SLX4IP: variants seen among roughly 807,000 people sequenced by gnomAD.
SLX4IP encodes the protein protein SLX4IP.
A neutral mutation model predicts 32.9 loss-of-function variants in SLX4IP; 34 were observed. That is an observed-to-expected ratio of 1.03 (90% CI 0.79 to 1.38). The LOEUF is 1.38. Among genes scored for constraint, SLX4IP ranks in the 40% most tolerant of loss-of-function variants. The pLI, the probability that SLX4IP is intolerant of heterozygous loss-of-function variation, is 0.00. For synonymous variants in SLX4IP, 172 were observed against 171.7 expected, an observed-to-expected ratio of 1.00 and a Z score of -0.01; for missense variants, 444 against 479.0, an observed-to-expected ratio of 0.93 and a Z score of 0.68.
At chr20:10,593,327 A>G (rs1032805677) in intron 4 of SLX4IP, among the ~76,000 whole-genome samples, 22 of 152,176 alleles carry the variant, frequency 1.4e-4, no homozygotes, top group African/African-American at 4.8e-4. Flanking sequence ...TTATAGCTTT[A>G]GTTTGAACCT....
chr20:10,482,213 T>C (rs2065528736), intron 2 of SLX4IP, among the ~76,000 whole-genome samples: 1 of 152,226 alleles, frequency 6.6e-6, no homozygotes, highest in Admixed American at 6.5e-5. Flanking sequence ...GATTTTTTCC[T>C]GCTTTTCCTA....
rs550801066 is a variant in SLX4IP at position 10,549,089 on chromosome 20, G to T, written c.28-7142G>T. On this transcript the variant is annotated intron_variant, in intron 2 of 7. Transcript: ENST00000334534. ...AGGGAATTCAATTGACAACACACTT[G>T]CATTGACTTTTCTTCAGCTTTTAAC... is the stretch of plus-strand genomic sequence containing the variant. 5.3e-5 allele frequency among the ~76,000 whole-genome samples: 8 copies of T among 152,266 alleles called. No individual in the cohort carries two copies. The East Asian group carries it at 7.7e-4, about 15-fold the overall frequency.
At chr20:10,454,830 T>C (rs958281540) in intron 1 of SLX4IP, among the ~76,000 whole-genome samples, 3 of 152,228 alleles carry the variant, frequency 2.0e-5, no homozygotes, top group African/African-American at 4.8e-5. Flanking sequence ...CAAACTATTG[T>C]GCAAAGTGGC....
chr20:10,566,283 ATTTTTTTTTTTTTTT>A (rs59907123), intron 4 of SLX4IP, among the ~76,000 whole-genome samples: 15,896 of 98,790 alleles, frequency 0.16, 1,107 homozygotes, highest in Middle Eastern at 0.34. Context: ...AACTGATTAC[ATTTTTTTTTTTTTTT>A]TTTTTTTTTT....
intron 2 of SLX4IP, among the ~76,000 whole-genome samples, chr20:10,492,128 A>T (rs899231162): frequency 6.6e-6 from 1 of 152,098 alleles, no homozygotes; most frequent in African/African-American, 2.4e-5. Flanking sequence ...GTTTCTGCTG[A>T]ATGTTTAAGT....
rs746954207 is a variant in SLX4IP, at chr20:10,623,068, G to A, written c.916G>A (p.Asp306Asn). ...RRNCSSAEDF[D>N]HHGRVSLGSD... ...GAACTGCAGCTCTGCGGAAGACTTC[G>A]ACCACCACGGGAGAGTTTCTCTTGG... Residue 306 changes from aspartate to asparagine, a missense_variant, in exon 8 of 8, where the codon GAC (aspartate) becomes AAC (asparagine). Coordinates refer to ENST00000334534, the MANE Select transcript of SLX4IP (RefSeq NM_001009608.3). 47 of 1,614,068 alleles carry A rather than the reference G, an allele frequency of 2.9e-5. No homozygotes were observed. Among genetic ancestry groups the A allele is most frequent in the Non-Finnish European group, 3.9e-5 (46 of 1,179,956 alleles).
rs78689061 is a variant in SLX4IP at position 10,598,725 on chromosome 20, C to T, written c.289C>T (p.Arg97Cys). ...AYFLKRGIRL[R>C]CIRSTQNAEL... ...TTTCCTCAAGAGAGGGATACGCCTT[C>T]GCTGCATCAGGAGCACACAGAATGC... is the stretch of plus-strand genomic sequence containing the variant. Residue 97 changes from arginine to cysteine, a missense_variant, in exon 5 of 8, where the codon CGC (arginine) becomes TGC (cysteine). Physicochemically the swap from Arg to Cys is radical, Grantham distance 180 (BLOSUM62 -3). Transcript: ENST00000334534. 2,017 of 1,614,124 alleles carry T rather than the reference C, an allele frequency of 1.2e-3. 31 individuals carry two copies. In the East Asian group the frequency reaches 0.027, roughly 22 times the overall value.
At chr20:10,477,742 A>G (rs2065487499) in intron 2 of SLX4IP, among the ~76,000 whole-genome samples, 1 of 152,228 alleles carries the variant, frequency 6.6e-6, no homozygotes, top group South Asian at 2.1e-4. Context: ...TTTACCAAAT[A>G]AATAAGCCTT....
intron 2 of SLX4IP, among the ~76,000 whole-genome samples, chr20:10,490,019 T>A (rs2065608167): frequency 6.6e-6 from 1 of 152,116 alleles, no homozygotes; most frequent in South Asian, 2.1e-4. Flanking sequence ...AAGTTCTTAG[T>A]GTTAATATCT....
At chr20:10,436,493 A>G (rs2065116559) in intron 1 of SLX4IP, among the ~76,000 whole-genome samples, 1 of 151,884 alleles carries the variant, frequency 6.6e-6, no homozygotes, top group Admixed American at 6.6e-5. Context: ...AGTAGCTGGG[A>G]TTACAGGCGC....
intron 2 of SLX4IP, among the ~76,000 whole-genome samples, chr20:10,498,756 T>C (rs540718886): frequency 1.3e-5 from 2 of 151,902 alleles, no homozygotes; most frequent in African/African-American, 4.8e-5. Context: ...ATTGAGTCTA[T>C]TGTCCCTTAT....
intron 2 of SLX4IP, among the ~76,000 whole-genome samples, chr20:10,483,391 G>A (rs1189332658): frequency 1.3e-5 from 2 of 152,032 alleles, no homozygotes; most frequent in Admixed American, 1.3e-4. Flanking sequence ...CAAAGTGCTG[G>A]GATTACATGC....
intron 1 of SLX4IP, among the ~76,000 whole-genome samples, chr20:10,449,452 C>T (rs192186319): frequency 3.7e-4 from 57 of 152,216 alleles, no homozygotes; most frequent in African/African-American, 1.3e-3. Context: ...TCACACCTAC[C>T]CTGACAGCCC....
chr20:10,534,315 G>A (rs2066017848), intron 2 of SLX4IP, among the ~76,000 whole-genome samples: 1 of 152,166 alleles, frequency 6.6e-6, no homozygotes, highest in Non-Finnish European at 1.5e-5. Context: ...ACCTTCTGTG[G>A]GCTAGGCATT....
At chr20:10,601,973 G>T (rs990915605) in intron 6 of SLX4IP, among the ~76,000 whole-genome samples, 154 bp downstream of exon 6, 8 of 152,186 alleles carry the variant, frequency 5.3e-5, no homozygotes, top group African/African-American at 1.9e-4. Flanking sequence ...GTTTTACGTG[G>T]TAATATCAAC....
chr20:10,611,737 T>G (rs2066968931), intron 6 of SLX4IP, among the ~76,000 whole-genome samples: 2 of 152,224 alleles, frequency 1.3e-5, no homozygotes, highest in Non-Finnish European at 2.9e-5. Context: ...TTCCAGGAAC[T>G]GAATGAGTAT....
At chr20:10,552,940 A>G (rs1386739820) in intron 2 of SLX4IP, among the ~76,000 whole-genome samples, 1 of 152,096 alleles carries the variant, frequency 6.6e-6, no homozygotes, top group African/African-American at 2.4e-5. Context: ...AGATTAAAAA[A>G]TCAGGAAAGA....
intron 2 of SLX4IP, among the ~76,000 whole-genome samples, chr20:10,537,049 A>G (rs902398137): frequency 6.6e-6 from 1 of 152,240 alleles, no homozygotes; most frequent in Admixed American, 6.5e-5. Context: ...AGTATCTAAT[A>G]TCTCTGAAGC....
chr20:10,624,286 G>C lies in SLX4IP; in HGVS notation c.*907G>C, dbSNP rs2067149230. 2 of 152,188 alleles carry C rather than the reference G, an allele frequency of 1.3e-5. No homozygotes were observed. The highest frequency in any genetic ancestry group is 4.8e-5 in the African/African-American group (2 of 41,444). 9.4% of individuals were successfully genotyped at this position (152,188 alleles called of 1,614,324 possible). A position where few individuals can be genotyped will look rare whatever the true frequency, so the allele number is the denominator to read the frequency against. ...GTCCCTGCTCTTGCACCCACCTCCA[G>C]GATTTTGGTTTGGGACAGACTATAA... On this transcript the variant is annotated 3_prime_UTR_variant, in exon 8 of 8. Coordinates refer to ENST00000334534, the MANE Select transcript of SLX4IP (RefSeq NM_001009608.3).
Sources: gnomAD v4.1 joint callset for allele counts (sites outside exome capture counted in the v4.1 genomes callset) on GRCh38, gnomAD v4.1.1 for gene constraint, MANE v1.5 for transcripts, NCBI Gene and HGNC (gene_info 2026-07-23, HGNC 2026-07-21) for gene names.